SFMBT2: variants seen among roughly 807,000 people sequenced by gnomAD.
SFMBT2 encodes Scm like with four mbt domains 2, also known as scm-like with four MBT domains protein 2.
In SFMBT2, 38 loss-of-function variants were observed where a neutral mutation model predicts 110.1. The observed-to-expected ratio is 0.35, with a 90% CI of 0.27 to 0.45. The LOEUF is 0.45. SFMBT2 is among the 20% of genes least tolerant of loss of function. The pLI is 1.00. For synonymous variants in SFMBT2, 425 were observed against 425.4 expected, an observed-to-expected ratio of 1.00 and a Z score of 0.01; for missense variants, 1,011 against 1,094.9, an observed-to-expected ratio of 0.92 and a Z score of 1.08.
intron 4 of SFMBT2, among the ~76,000 whole-genome samples, chr10:7,288,174 C>T (rs1177507014): frequency 6.6e-6 from 1 of 152,138 alleles, no homozygotes; most frequent in Non-Finnish European, 1.5e-5. Context: ...AAGCAGTGGC[C>T]GGACCTGCTG....
At chr10:7,315,248 TG>T (rs1842978803) in intron 4 of SFMBT2, among the ~76,000 whole-genome samples, 1 of 152,108 alleles carries the variant, frequency 6.6e-6, no homozygotes, top group East Asian at 1.9e-4. Context: ...GGGTGTTTCT[TG>T]GGGTGTTTCT....
chr10:7,196,758 T>C (rs909728178), intron 15 of SFMBT2, among the ~76,000 whole-genome samples: 2 of 152,212 alleles, frequency 1.3e-5, no homozygotes, highest in African/African-American at 4.8e-5. Context: ...GGTATCCTCT[T>C]TCTTCAGAGA....
chr10:7,311,045 C>CAAAAAAAAA (rs201310544), intron 4 of SFMBT2, among the ~76,000 whole-genome samples: 4 of 96,938 alleles, frequency 4.1e-5, no homozygotes, highest in Non-Finnish European at 8.1e-5. Context: ...AACTCCATCT[C>CAAAAAAAAA]AAAAAAAAAA....
intron 4 of SFMBT2, among the ~76,000 whole-genome samples, chr10:7,319,816 GAGAC>G (rs1843121024): frequency 6.6e-6 from 1 of 151,122 alleles, no homozygotes; most frequent in Non-Finnish European, 1.5e-5. Flanking sequence ...GACTGAGAGA[GAGAC>G]AGAGAGAGAC....
intron 2 of SFMBT2, chr10:7,370,794 A>G: frequency 2.0e-6 from 2 of 976,394 alleles, no homozygotes; most frequent in Non-Finnish European, 2.4e-6. Flanking sequence ...TACAGAGAAC[A>G]GCACTAATTG....
chr10:7,272,162 A>G (rs1475676966), intron 7 of SFMBT2, among the ~76,000 whole-genome samples: 1 of 152,192 alleles, frequency 6.6e-6, no homozygotes, highest in Non-Finnish European at 1.5e-5. Context: ...CCTAGAGTCC[A>G]AACAACAAGA....
At chr10:7,294,895 C>T (rs1588425697) in intron 4 of SFMBT2, among the ~76,000 whole-genome samples, 1 of 152,190 alleles carries the variant, frequency 6.6e-6, no homozygotes, top group East Asian at 1.9e-4. Flanking sequence ...TATCATTACA[C>T]TATGACAATT....
intron 4 of SFMBT2, among the ~76,000 whole-genome samples, chr10:7,306,813 C>T (rs1842713183): frequency 6.6e-6 from 1 of 152,008 alleles, no homozygotes; most frequent in Non-Finnish European, 1.5e-5. Context: ...ATTGTCCCTA[C>T]TCCAGGATGC....
intron 4 of SFMBT2, among the ~76,000 whole-genome samples, chr10:7,302,731 T>C (rs1842587239): frequency 6.6e-6 from 1 of 152,164 alleles, no homozygotes; most frequent in Non-Finnish European, 1.5e-5. Context: ...AATTATGACA[T>C]ACCTTTCCCT....
chr10:7,172,735 A>C lies in SFMBT2; in HGVS notation c.1985-74T>G. The C allele has an allele frequency of 6.7e-7, 1 of 1,490,582 alleles. No homozygotes were observed. The highest frequency in any genetic ancestry group is 9.0e-7 in the Non-Finnish European group (1 of 1,108,472). 92.3% of individuals were successfully genotyped at this position (1,490,582 alleles called of 1,614,324 possible). On this transcript the variant is annotated intron_variant, in intron 17 of 20. Transcript: ENST00000397167. The surrounding 1 kb of genome is among the most constrained non-coding windows in gnomAD (Gnocchi z 4.6). ...ACATGAACAGAGAGAGGAGAGAGAA[A>C]GAAGGGAAACGATTCTTTCATCTGA...
intron 16 of SFMBT2, among the ~76,000 whole-genome samples, chr10:7,180,939 G>A (rs969601734): frequency 6.6e-6 from 1 of 152,256 alleles, no homozygotes; most frequent in East Asian, 1.9e-4. Flanking sequence ...TGGAGCCTAC[G>A]TTCCACCACA....
rs1837884902 is a variant in SFMBT2 at position 7,171,975 on chromosome 10, G to C, written c.2335C>G (p.Arg779Gly). 1 of 1,528,750 alleles carries C rather than the reference G, an allele frequency of 6.5e-7. No individual in the cohort carries two copies. The highest frequency in any genetic ancestry group is 8.8e-7 in the Non-Finnish European group (1 of 1,141,508). The allele number at this position is 1,528,750 out of a possible 1,614,324, so 94.7% of individuals were successfully genotyped here. ...PVRRPPPERT[R>G]RGRGAPAASS... ...GCAGCCGGCGCCCCGCGGCCCCTTC[G>C]TGTCCTCTCTGGGGGTGGCCGGCGC... is the stretch of plus-strand genomic sequence containing the variant. The change falls in exon 19 of 21, where the codon CGA (arginine) becomes GGA (glycine). Residue 779 changes from arginine to glycine, a missense_variant. By Grantham distance (125) the Arg-to-Gly change is moderately radical (BLOSUM62 -2). Transcript: ENST00000397167. This position sits in a 1 kb window ranked among gnomAD's most constrained non-coding sequence, Gnocchi z 4.9.
chr10:7,294,235 A>G (rs1419718743), intron 4 of SFMBT2, among the ~76,000 whole-genome samples: 1 of 152,208 alleles, frequency 6.6e-6, no homozygotes, highest in Non-Finnish European at 1.5e-5. Context: ...TCCAATAAAA[A>G]GCACGCCAAC....
intron 4 of SFMBT2, among the ~76,000 whole-genome samples, chr10:7,362,891 G>A (rs1844768818): frequency 6.6e-6 from 1 of 152,222 alleles, no homozygotes; most frequent in Non-Finnish European, 1.5e-5. Context: ...TCCTGGGCTA[G>A]ACGTCCATGG....
intron 20 of SFMBT2, among the ~76,000 whole-genome samples, chr10:7,169,764 G>A (rs985890406): frequency 6.6e-6 from 1 of 152,190 alleles, no homozygotes; most frequent in Middle Eastern, 3.4e-3. Context: ...ACTTGTTTCC[G>A]TATTAATTTA....
At chr10:7,232,099 A>G (rs2131686185) in intron 9 of SFMBT2, among the ~76,000 whole-genome samples, 1 of 152,320 alleles carries the variant, frequency 6.6e-6, no homozygotes, top group Non-Finnish European at 1.5e-5. Context: ...CTTCCCTGAG[A>G]GACTGTTGAA....
intron 4 of SFMBT2, among the ~76,000 whole-genome samples, chr10:7,324,991 G>C (rs1323073706): frequency 1.7e-5 from 2 of 116,032 alleles, no homozygotes; most frequent in Admixed American, 2.2e-4. Context: ...TTTTTGAGAC[G>C]GAGTCTCGCT....
chr10:7,183,897 C>A (rs985620908), intron 16 of SFMBT2, among the ~76,000 whole-genome samples: 11 of 152,172 alleles, frequency 7.2e-5, no homozygotes, highest in African/African-American at 1.2e-4. Flanking sequence ...CTGAGTTATT[C>A]ATCACTGAGC....
At chr10:7,212,805 C>T (rs1490872387) in intron 11 of SFMBT2, among the ~76,000 whole-genome samples, 4 of 152,116 alleles carry the variant, frequency 2.6e-5, no homozygotes, top group African/African-American at 7.2e-5. Context: ...AGTCTCTACT[C>T]GATAGCAAAG....
Sources: gnomAD v4.1 joint callset for allele counts (sites outside exome capture counted in the v4.1 genomes callset) on GRCh38, gnomAD v4.1.1 for gene constraint, Gnocchi (gnomAD v3.1) non-coding constraint, MANE v1.5 for transcripts, NCBI Gene and HGNC (gene_info 2026-07-23, HGNC 2026-07-21) for gene names.